The following GPC6 variants were observed in gnomAD, a reference collection of about 807,000 sequenced individuals.
GPC6 encodes glypican-6.
Under a neutral mutation model 55.2 loss-of-function variants are expected in GPC6, and 14 were observed. The ratio of observed to expected loss-of-function variants is 0.25; its 90% CI spans 0.17 to 0.40. The LOEUF (loss-of-function observed/expected upper bound fraction) is 0.40. Among genes scored for constraint, GPC6 ranks in the 10% least tolerant of loss-of-function variants. The pLI, the probability that GPC6 is intolerant of heterozygous loss-of-function variation, is 1.00. For synonymous variants in GPC6, 278 were observed against 259.6 expected (o/e 1.07, Z -0.68); for missense variants, 641 against 708.5 (o/e 0.90, Z 1.08).
At chr13:93,444,374 C>T (rs557587521) in intron 1 of GPC6, among the ~76,000 whole-genome samples, 30 of 151,942 alleles carry the variant, frequency 2.0e-4, no homozygotes, top group Middle Eastern at 3.4e-3. Context: ...TTTGGGAGGC[C>T]GAGGTGGGTG....
chr13:93,884,731 C>T (rs1180071371), intron 3 of GPC6, among the ~76,000 whole-genome samples: 1 of 152,078 alleles, frequency 6.6e-6, no homozygotes, highest in African/African-American at 2.4e-5. Flanking sequence ...TCCATACATA[C>T]CCATGCATTT....
intron 1 of GPC6, among the ~76,000 whole-genome samples, chr13:93,393,518 A>T (rs527352548): frequency 6.6e-6 from 1 of 152,236 alleles, no homozygotes; most frequent in East Asian, 1.9e-4. Flanking sequence ...GTAATACAAC[A>T]TTCAGTTTTG....
rs1470085078 is a variant in GPC6, at chr13:94,152,620, CACTT to C, written c.877+124729_877+124732del. On this transcript the variant is annotated intron_variant, in intron 4 of 8. Coordinates refer to ENST00000377047, the MANE Select transcript of GPC6 (RefSeq NM_005708.5). Reference sequence around the variant, plus strand: ...CAGTACTTGCTTACTTCACAGTTAACACTTACGGCATATTGCTACATCCTCAAGC... The same window carrying C: ...CAGTACTTGCTTACTTCACAGTTAACACGGCATATTGCTACATCCTCAAGC... Among the ~76,000 whole-genome samples the C allele has an allele frequency of 2.6e-5, 4 of 151,870 alleles. No homozygotes were observed. In the East Asian group the frequency reaches 7.8e-4, roughly 29 times the overall value.
chr13:93,484,583 G>A (rs1450581795), intron 1 of GPC6, among the ~76,000 whole-genome samples: 1 of 151,798 alleles, frequency 6.6e-6, no homozygotes, highest in Non-Finnish European at 1.5e-5. Flanking sequence ...TTTTTTGCAG[G>A]TTTTATATTA....
At chr13:93,661,222 G>A (rs1336769963) in intron 2 of GPC6, among the ~76,000 whole-genome samples, 1 of 151,900 alleles carries the variant, frequency 6.6e-6, no homozygotes, top group Admixed American at 6.6e-5. Flanking sequence ...TTTATTAGGA[G>A]TATTATTTTT....
Position 93,595,880 on chromosome 13 carries a change from C to T in GPC6, c.319+50459C>T, listed in dbSNP as rs181261676. On this transcript the variant is annotated intron_variant, in intron 2 of 8. Transcript: ENST00000377047. The stretch of plus-strand genomic sequence containing the variant: ...CAGCATGCCTGTTCCAATGGATGAC[C>T]GTACAGTTGTTCCTCAATTTAAAAA... 3.7e-4 allele frequency among the ~76,000 whole-genome samples: 57 copies of T among 152,072 alleles called. 1 individual carries two copies. Among genetic ancestry groups the T allele is most frequent in the African/African-American group, 1.2e-3 (51 of 41,476 alleles).
chr13:93,671,449 C>T (rs1212845041), intron 2 of GPC6, among the ~76,000 whole-genome samples: 1 of 152,026 alleles, frequency 6.6e-6, no homozygotes, highest in Non-Finnish European at 1.5e-5. Flanking sequence ...CACTTAGAAC[C>T]AACTAAAGTA....
intron 4 of GPC6, among the ~76,000 whole-genome samples, chr13:94,221,089 C>T (rs549733226): frequency 6.6e-6 from 1 of 152,080 alleles, no homozygotes; most frequent in African/African-American, 2.4e-5. Flanking sequence ...CTTTAGCCAA[C>T]AATTTTTTTC....
chr13:93,957,529 T>C (rs1049138081), intron 3 of GPC6, among the ~76,000 whole-genome samples: 4 of 152,208 alleles, frequency 2.6e-5, no homozygotes, highest in African/African-American at 9.6e-5. Context: ...TCCAGCTCCA[T>C]CCATGTTGCT....
intron 3 of GPC6, among the ~76,000 whole-genome samples, chr13:93,956,685 C>T (rs991999472): frequency 1.3e-5 from 2 of 152,208 alleles, no homozygotes; most frequent in Non-Finnish European, 2.9e-5. Context: ...AAAAGAGCCA[C>T]ATTTTTCAAA....
intron 4 of GPC6, among the ~76,000 whole-genome samples, chr13:94,257,428 A>G (rs962635356): frequency 2.0e-5 from 3 of 152,210 alleles, no homozygotes; most frequent in Non-Finnish European, 4.4e-5. Flanking sequence ...TTAATTTCAC[A>G]GTGCTTGTCC....
At chr13:94,356,808 G>A (rs1020043203) in intron 6 of GPC6, among the ~76,000 whole-genome samples, 3 of 152,092 alleles carry the variant, frequency 2.0e-5, no homozygotes, top group Non-Finnish European at 4.4e-5. Flanking sequence ...AGGTTGAGGC[G>A]GGAGGGTTGT....
At chr13:93,754,703 A>G (rs531170995) in intron 2 of GPC6, among the ~76,000 whole-genome samples, 2 of 90,586 alleles carry the variant, frequency 2.2e-5, no homozygotes, top group South Asian at 6.8e-4. Context: ...TTTTTTATTT[A>G]AAAAAAAAAA....
intron 2 of GPC6, among the ~76,000 whole-genome samples, chr13:93,597,033 A>T (rs1877787226): frequency 1.3e-5 from 2 of 150,412 alleles, no homozygotes; most frequent in Admixed American, 1.3e-4. Flanking sequence ...AAAAAAAAGA[A>T]AAGAAAAGAC....
At chr13:94,033,708 G>T (rs1430355241) in intron 4 of GPC6, among the ~76,000 whole-genome samples, 1 of 152,110 alleles carries the variant, frequency 6.6e-6, no homozygotes, top group Non-Finnish European at 1.5e-5. Flanking sequence ...TAGTAAATAT[G>T]ATATGACACT....
intron 4 of GPC6, among the ~76,000 whole-genome samples, chr13:94,217,954 A>G (rs1890271356): frequency 6.6e-6 from 1 of 152,176 alleles, no homozygotes; most frequent in South Asian, 2.1e-4. Flanking sequence ...CACCAATATG[A>G]GTGGTTATCA....
intron 2 of GPC6, among the ~76,000 whole-genome samples, chr13:93,792,640 C>T (rs1190609090): frequency 6.6e-6 from 1 of 152,170 alleles, no homozygotes; most frequent in Non-Finnish European, 1.5e-5. Flanking sequence ...TTGCTTCCCA[C>T]ATGCTAAGGG....
intron 2 of GPC6, among the ~76,000 whole-genome samples, chr13:93,633,675 T>TAACC (rs1879575872): frequency 6.9e-6 from 1 of 145,472 alleles, no homozygotes; most frequent in Non-Finnish European, 1.5e-5. Context: ...AATAAATAAA[T>TAACC]AACCAAAGTT....
At chr13:94,232,277 C>A (rs939874477) in intron 4 of GPC6, among the ~76,000 whole-genome samples, 8 of 152,154 alleles carry the variant, frequency 5.3e-5, no homozygotes, top group African/African-American at 1.9e-4. Context: ...TATTTGCTTT[C>A]TTTCAGTCTA....
Sources: allele counts gnomAD v4.1 joint callset (sites outside exome capture counted in the v4.1 genomes callset), GRCh38; gene constraint gnomAD v4.1.1; transcripts MANE v1.5; gene names NCBI Gene and HGNC (gene_info 2026-07-23, HGNC 2026-07-21).